The following BCAR3 variants were observed in gnomAD, a reference collection of about 807,000 sequenced individuals.
BCAR3 encodes the protein breast cancer anti-estrogen resistance protein 3.
Under a neutral mutation model 80.1 loss-of-function variants are expected in BCAR3, and 37 were observed. The ratio of observed to expected loss-of-function variants is 0.46; its 90% CI spans 0.36 to 0.61. The LOEUF (loss-of-function observed/expected upper bound fraction) is 0.61, where lower values mean the gene tolerates loss of function less well. Ranked by LOEUF, BCAR3 falls within the 20% of genes least tolerant of loss-of-function variation. BCAR3 has a pLI of 0.00. For synonymous variants in BCAR3, 389 were observed against 418.9 expected, an observed-to-expected ratio of 0.93 and a Z score of 0.87; for missense variants, 978 against 1,068.2, an observed-to-expected ratio of 0.92 and a Z score of 1.18.
At chr1:93,594,952 A>G (rs1186129634) in intron 3 of BCAR3, among the ~76,000 whole-genome samples, 1 of 152,190 alleles carries the variant, frequency 6.6e-6, no homozygotes. Context: ...AGCACTTTAT[A>G]TGCATCAATC....
At chr1:93,682,135 C>T (rs990400782), upstream of BCAR3, among the ~76,000 whole-genome samples, 10 of 152,204 alleles carry the variant, frequency 6.6e-5, no homozygotes, top group African/African-American at 2.4e-4. Context: ...CTGCTTTGCT[C>T]GTCTGCAGAC....
At chr1:93,721,126 G>A (rs1650388131) in intron 2 of BCAR3, among the ~76,000 whole-genome samples, 1 of 152,180 alleles carries the variant, frequency 6.6e-6, no homozygotes. Context: ...CTGGAAGGGT[G>A]GCATCTAGGT....
intron 2 of BCAR3, among the ~76,000 whole-genome samples, chr1:93,726,729 T>C (rs1355502222): frequency 1.3e-5 from 2 of 152,232 alleles, no homozygotes; most frequent in Non-Finnish European, 2.9e-5. Context: ...GTTCATCGTA[T>C]CACTGATGGT....
intron 2 of BCAR3, among the ~76,000 whole-genome samples, chr1:93,831,760 C>T (rs903668248): frequency 1.3e-5 from 2 of 152,098 alleles, no homozygotes; most frequent in East Asian, 1.9e-4. Flanking sequence ...CACTTCCCCA[C>T]CCTATAATCC....
intron 2 of BCAR3, among the ~76,000 whole-genome samples, chr1:93,726,587 T>G (rs11164967): frequency 0.2 from 30,091 of 152,196 alleles, 3,963 homozygotes; most frequent in East Asian, 0.58. Flanking sequence ...TTAGTACCTT[T>G]GGATAAAGTT....
intron 2 of BCAR3, among the ~76,000 whole-genome samples, chr1:93,774,154 C>T (rs1193063667): frequency 6.6e-6 from 1 of 152,108 alleles, no homozygotes; most frequent in Non-Finnish European, 1.5e-5. Context: ...CGTAAGCCAG[C>T]ATTGACTTTT....
intron 2 of BCAR3, among the ~76,000 whole-genome samples, chr1:93,658,153 A>G (rs895097427): frequency 4.0e-5 from 6 of 151,880 alleles, no homozygotes; most frequent in African/African-American, 1.5e-4. Context: ...GTTGGCCAGG[A>G]TGGTCTCAAT....
intron 3 of BCAR3, among the ~76,000 whole-genome samples, chr1:93,595,866 G>A (rs930883822): frequency 1.2e-4 from 18 of 152,334 alleles, no homozygotes; most frequent in South Asian, 2.1e-4. Flanking sequence ...AACATTTGGC[G>A]GAATTCTGTA....
intron 2 of BCAR3, among the ~76,000 whole-genome samples, chr1:93,844,150 T>C (rs1410513665): frequency 6.6e-6 from 1 of 152,038 alleles, no homozygotes; most frequent in East Asian, 1.9e-4. Flanking sequence ...CCATTAAAAA[T>C]ACAAAAATTA....
intron 2 of BCAR3, among the ~76,000 whole-genome samples, chr1:93,706,683 T>C (rs1649837131): frequency 6.6e-6 from 1 of 152,148 alleles, no homozygotes; most frequent in Admixed American, 6.6e-5. Flanking sequence ...GTTAAATGAG[T>C]TAATATCTAT....
intron 2 of BCAR3, among the ~76,000 whole-genome samples, chr1:93,774,757 C>T (rs1017887552): frequency 2.0e-5 from 3 of 152,200 alleles, no homozygotes; most frequent in African/African-American, 7.2e-5. Flanking sequence ...AGCTTTCTAT[C>T]TGGTTTCTCA....
At chr1:93,775,655 G>A (rs560137839) in intron 2 of BCAR3, among the ~76,000 whole-genome samples, 3 of 152,288 alleles carry the variant, frequency 2.0e-5, no homozygotes, top group Non-Finnish European at 4.4e-5. Flanking sequence ...GGACCAATTT[G>A]AAATAAATAC....
intron 3 of BCAR3, among the ~76,000 whole-genome samples, chr1:93,688,415 C>CT (rs918469161): frequency 4.2e-4 from 63 of 149,308 alleles, no homozygotes; most frequent in South Asian, 2.2e-3. Flanking sequence ...TAATTACTAG[C>CT]TTTTTTTTTT....
intron 2 of BCAR3, among the ~76,000 whole-genome samples, chr1:93,762,692 C>T (rs910149729): frequency 6.6e-6 from 1 of 152,152 alleles, no homozygotes; most frequent in African/African-American, 2.4e-5. Context: ...TCTGAAAAAC[C>T]CTTGTTCTCC....
At chr1:93,725,819 C>T (rs982420005) in intron 2 of BCAR3, among the ~76,000 whole-genome samples, 1 of 152,140 alleles carries the variant, frequency 6.6e-6, no homozygotes, top group Non-Finnish European at 1.5e-5. Context: ...TTATTAACCA[C>T]CAATTATCAT....
intron 4 of BCAR3, among the ~76,000 whole-genome samples, chr1:93,591,168 T>TAAAAAAAA (rs35143036): frequency 1.2e-4 from 8 of 66,320 alleles, no homozygotes; most frequent in Admixed American, 1.8e-4. Flanking sequence ...TCTACTACAT[T>TAAAAAAAA]AAAAAAAAAA....
At chr1:93,805,957 T>G (rs140681779) in intron 2 of BCAR3, among the ~76,000 whole-genome samples, 3 of 152,202 alleles carry the variant, frequency 2.0e-5, no homozygotes, top group African/African-American at 7.2e-5. Context: ...ATTAAAAATA[T>G]GGTTTCCAAA....
intron 5 of BCAR3, among the ~76,000 whole-genome samples, chr1:93,585,513 G>A (rs1243574498): frequency 6.6e-6 from 1 of 152,114 alleles, no homozygotes; most frequent in Non-Finnish European, 1.5e-5. Context: ...GGCCAACTAG[G>A]AGGCCTTCCC....
At chr1:93,842,695 A>G (rs1411346169) in intron 2 of BCAR3, among the ~76,000 whole-genome samples, 2 of 152,060 alleles carry the variant, frequency 1.3e-5, no homozygotes, top group Non-Finnish European at 2.9e-5. Flanking sequence ...CCATTGCCAC[A>G]TTCCTTATCT....
Sources: gnomAD v4.1 joint callset for allele counts (sites outside exome capture counted in the v4.1 genomes callset) on GRCh38, gnomAD v4.1.1 for gene constraint, MANE v1.5 for transcripts, NCBI Gene and HGNC (gene_info 2026-07-23, HGNC 2026-07-21) for gene names.